CNTNAP2: variants seen among roughly 807,000 people sequenced by gnomAD.
CNTNAP2 encodes the protein contactin associated protein 2.
Under a neutral mutation model 155.2 loss-of-function variants are expected in CNTNAP2, and 98 were observed. The observed-to-expected ratio is 0.63, with a 90% CI of 0.54 to 0.75. The LOEUF (loss-of-function observed/expected upper bound fraction) is 0.75, where lower values mean the gene tolerates loss of function less well. Ranked by LOEUF, CNTNAP2 falls within the 30% of genes least tolerant of loss-of-function variation. CNTNAP2 has a pLI of 0.00. For synonymous variants in CNTNAP2, 651 were observed against 631.2 expected, an observed-to-expected ratio of 1.03 and a Z score of -0.47; for missense variants, 1,727 against 1,688.1, an observed-to-expected ratio of 1.02 and a Z score of -0.40.
chr7:146,271,083 A>AT (rs748145752), intron 1 of CNTNAP2, among the ~76,000 whole-genome samples: 24 of 152,028 alleles, frequency 1.6e-4, no homozygotes, highest in Non-Finnish European at 3.2e-4. Context: ...GTACTTGCCA[A>AT]TTTTTTCTCA....
chr7:147,572,877 C>T (rs1335299346), intron 12 of CNTNAP2, among the ~76,000 whole-genome samples: 2 of 152,030 alleles, frequency 1.3e-5, no homozygotes, highest in African/African-American at 4.8e-5. Flanking sequence ...TCTGTTTCTC[C>T]AAACTTTAGG....
intron 1 of CNTNAP2, among the ~76,000 whole-genome samples, chr7:146,680,146 C>T (rs1016121450): frequency 1.3e-5 from 2 of 152,014 alleles, no homozygotes; most frequent in East Asian, 1.9e-4. Context: ...TTATTATGAC[C>T]ACTTTATACA....
chr7:146,821,749 A>G (rs1585106877), intron 2 of CNTNAP2, among the ~76,000 whole-genome samples: 2 of 152,252 alleles, frequency 1.3e-5, no homozygotes, highest in African/African-American at 2.4e-5. Context: ...CATCAGAGAA[A>G]TGCAAATCAA....
intron 11 of CNTNAP2, among the ~76,000 whole-genome samples, chr7:147,492,870 T>G (rs1798634415): frequency 6.6e-6 from 1 of 152,306 alleles, no homozygotes; most frequent in South Asian, 2.1e-4. Flanking sequence ...CCCCCGCTCC[T>G]CTGTGCTATC....
At chr7:147,262,891 G>A (rs551154952) in intron 8 of CNTNAP2, among the ~76,000 whole-genome samples, 1 of 152,300 alleles carries the variant, frequency 6.6e-6, no homozygotes, top group East Asian at 1.9e-4. Context: ...ACTTGGTCTT[G>A]GACTTCCAGC....
At chr7:147,197,410 T>G (rs1802829414) in intron 8 of CNTNAP2, among the ~76,000 whole-genome samples, 2 of 151,446 alleles carry the variant, frequency 1.3e-5, no homozygotes, top group Admixed American at 1.3e-4. Context: ...TTTCTTGCTC[T>G]GTGTGTTTCG....
At chr7:146,532,302 A>C (rs762471522) in intron 1 of CNTNAP2, among the ~76,000 whole-genome samples, 3 of 152,204 alleles carry the variant, frequency 2.0e-5, no homozygotes, top group South Asian at 2.1e-4. Context: ...AGGGATTTCA[A>C]TAAATTCCAT....
intron 1 of CNTNAP2, among the ~76,000 whole-genome samples, chr7:146,510,610 C>G (rs1250200058): frequency 6.6e-6 from 1 of 152,150 alleles, no homozygotes; most frequent in Non-Finnish European, 1.5e-5. Context: ...TTCTTGCAAT[C>G]CACAGATATG....
At chr7:147,590,177 T>C (rs1800710387) in intron 12 of CNTNAP2, among the ~76,000 whole-genome samples, 2 of 152,218 alleles carry the variant, frequency 1.3e-5, no homozygotes. Flanking sequence ...CTGATTACTT[T>C]TTCTTTCCTC....
At chr7:146,915,787 C>G (rs1291435764) in intron 3 of CNTNAP2, 2 of 152,068 alleles carry the variant, frequency 1.3e-5, no homozygotes, top group Admixed American at 6.6e-5. Flanking sequence ...GACTTCCTCT[C>G]TACTGATTTA....
At chr7:147,394,367 C>A (rs1400481831) in intron 9 of CNTNAP2, among the ~76,000 whole-genome samples, 2 of 151,790 alleles carry the variant, frequency 1.3e-5, no homozygotes, top group Non-Finnish European at 2.9e-5. Flanking sequence ...AATATAATGG[C>A]CATTTTTTGT....
chr7:146,152,609 A>G (rs1259045986), intron 1 of CNTNAP2, among the ~76,000 whole-genome samples: 1 of 152,142 alleles, frequency 6.6e-6, no homozygotes, highest in Non-Finnish European at 1.5e-5. Flanking sequence ...TATTTAGAAC[A>G]TCATCTTGTA....
chr7:147,462,766 A>AT (rs1798046518), intron 10 of CNTNAP2, among the ~76,000 whole-genome samples: 1 of 151,994 alleles, frequency 6.6e-6, no homozygotes. Context: ...AATCAATGGG[A>AT]TTTTTTGTTT....
At chr7:147,206,958 C>A (rs958003916) in intron 8 of CNTNAP2, among the ~76,000 whole-genome samples, 3 of 152,152 alleles carry the variant, frequency 2.0e-5, no homozygotes, top group African/African-American at 4.8e-5. Context: ...AATTACTGCT[C>A]ATTTCAGTAA....
At chr7:147,466,843 C>A (rs962474107) in intron 10 of CNTNAP2, among the ~76,000 whole-genome samples, 1 of 152,114 alleles carries the variant, frequency 6.6e-6, no homozygotes, top group South Asian at 2.1e-4. Flanking sequence ...ACTTGAACCC[C>A]AGGAGGCAGA....
At chr7:146,427,717 T>C (rs1431226985) in intron 1 of CNTNAP2, among the ~76,000 whole-genome samples, 3 of 152,228 alleles carry the variant, frequency 2.0e-5, no homozygotes, top group African/African-American at 7.2e-5. Context: ...TATTTTATCA[T>C]CTAATGTATC....
intron 13 of CNTNAP2, among the ~76,000 whole-genome samples, chr7:147,714,126 C>G (rs529636093): frequency 1.3e-5 from 2 of 152,034 alleles, no homozygotes; most frequent in African/African-American, 4.8e-5. Flanking sequence ...TATGAATGTG[C>G]TGGGTGGTAT....
intron 1 of CNTNAP2, among the ~76,000 whole-genome samples, chr7:146,367,431 A>G (rs949539970): frequency 1.3e-5 from 2 of 152,140 alleles, no homozygotes; most frequent in Non-Finnish European, 2.9e-5. Context: ...TTTCTTTAAT[A>G]TAAGAGTTTA....
intron 13 of CNTNAP2, among the ~76,000 whole-genome samples, chr7:147,683,321 A>C (rs1795974244): frequency 6.6e-6 from 1 of 151,908 alleles, no homozygotes; most frequent in Non-Finnish European, 1.5e-5. Context: ...TGGAAACTGC[A>C]GCCTTTGCAA....
Sources: gnomAD v4.1 joint callset for allele counts (sites outside exome capture counted in the v4.1 genomes callset) on GRCh38, gnomAD v4.1.1 for gene constraint, MANE v1.5 for transcripts, NCBI Gene and HGNC (gene_info 2026-07-23, HGNC 2026-07-21) for gene names.